Variants in CFAP58 observed in about 807,000 individuals in gnomAD.
CFAP58 encodes the protein cilia- and flagella-associated protein 58.
In CFAP58, 88 loss-of-function variants were observed where a neutral mutation model predicts 119.5. That is an observed-to-expected ratio of 0.74 (90% CI 0.62 to 0.88). CFAP58 has a LOEUF of 0.88. Among genes scored for constraint, CFAP58 ranks in the 40% least tolerant of loss-of-function variants. CFAP58 has a pLI of 0.00. For synonymous variants in CFAP58, 365 were observed against 366.3 expected (o/e 1.00, Z 0.04); for missense variants, 990 against 1,021.2 (o/e 0.97, Z 0.42).
intron 15 of CFAP58, among the ~76,000 whole-genome samples, chr10:104,414,177 TC>T (rs1336960981): frequency 1.3e-5 from 2 of 152,170 alleles, no homozygotes; most frequent in Non-Finnish European, 2.9e-5. Flanking sequence ...ATTTGTCAAA[TC>T]TTTAATTTTT....
chr10:104,371,575 G>A (rs2014824203), intron 7 of CFAP58, among the ~76,000 whole-genome samples: 1 of 152,160 alleles, frequency 6.6e-6, no homozygotes, highest in South Asian at 2.1e-4. Context: ...AAGTGCCACA[G>A]GGAGGTACAG....
intron 15 of CFAP58, among the ~76,000 whole-genome samples, chr10:104,420,603 A>G (rs2012639605): frequency 6.6e-6 from 1 of 152,172 alleles, no homozygotes; most frequent in Admixed American, 6.5e-5. Flanking sequence ...CAATTTACCT[A>G]TATAACAAAT....
intron 15 of CFAP58, among the ~76,000 whole-genome samples, chr10:104,420,144 G>T (rs959153647): frequency 3.4e-5 from 5 of 146,032 alleles, no homozygotes; most frequent in Non-Finnish European, 7.5e-5. Flanking sequence ...TTTTTTTTAC[G>T]ATTGTGTTCA....
At chr10:104,396,882 G>A (rs1416265946) in intron 11 of CFAP58, among the ~76,000 whole-genome samples, 1 of 152,132 alleles carries the variant, frequency 6.6e-6, no homozygotes, top group Non-Finnish European at 1.5e-5. Flanking sequence ...AAGGTATTTT[G>A]TTGATGTTAA....
At chr10:104,377,552 A>G (rs1564884575) in intron 8 of CFAP58, among the ~76,000 whole-genome samples, 1 of 152,022 alleles carries the variant, frequency 6.6e-6, no homozygotes, top group Non-Finnish European at 1.5e-5. Flanking sequence ...ATTAGGGTAA[A>G]TTTTCCTGCT....
At chr10:104,411,190 T>C (rs2012454853) in intron 15 of CFAP58, among the ~76,000 whole-genome samples, 1 of 152,226 alleles carries the variant, frequency 6.6e-6, no homozygotes, top group South Asian at 2.1e-4. Flanking sequence ...TCTGCTGGCC[T>C]TGGCCTCCCA....
chr10:104,368,348 G>C, intron 5 of CFAP58, 75 bp from the exon 6 acceptor site: 3 of 1,478,514 alleles, frequency 2.0e-6, no homozygotes, highest in Non-Finnish European at 2.7e-6. Context: ...GGAGGTTTGT[G>C]GGGCCCCCTG....
At chr10:104,386,993 G>C (rs533642820) in intron 9 of CFAP58, among the ~76,000 whole-genome samples, 1 of 152,238 alleles carries the variant, frequency 6.6e-6, no homozygotes, top group East Asian at 1.9e-4. Context: ...GTTCTTTCTT[G>C]CTTAGAGAAA....
At chr10:104,346,639 T>TTTTTTTTTTTTTTG in the CFAP58 span, among the ~76,000 whole-genome samples, 1 of 139,900 alleles carries the variant, frequency 7.1e-6, no homozygotes, top group Non-Finnish European at 1.6e-5. Flanking sequence ...TAGTCTTTTT[T>TTTTTTTTTTTTTTG]TTTTTTTTTT....
chr10:104,343,377 A>G, the CFAP58 span, among the ~76,000 whole-genome samples: 1 of 152,216 alleles, frequency 6.6e-6, no homozygotes, highest in Non-Finnish European at 1.5e-5. Context: ...TCAAGGTCAC[A>G]TTGCTGGTTA....
intron 11 of CFAP58, among the ~76,000 whole-genome samples, chr10:104,396,731 C>T (rs1361033607): frequency 6.6e-6 from 1 of 152,158 alleles, no homozygotes; most frequent in Non-Finnish European, 1.5e-5. Flanking sequence ...AACTTTTTAC[C>T]ACCAGTAACA....
At chr10:104,354,742 G>C (rs1270931041) in intron 1 of CFAP58, among the ~76,000 whole-genome samples, 3 of 152,138 alleles carry the variant, frequency 2.0e-5, no homozygotes, top group African/African-American at 7.2e-5. Context: ...AAAACACAAA[G>C]TCTCTTCAAA....
the CFAP58 span, among the ~76,000 whole-genome samples, chr10:104,340,962 G>C: frequency 6.6e-6 from 1 of 152,240 alleles, no homozygotes; most frequent in African/African-American, 2.4e-5. Context: ...TCCCGGCCCT[G>C]GATGAATTTT....
At chr10:104,417,248 C>T (rs2012569032) in intron 15 of CFAP58, among the ~76,000 whole-genome samples, 1 of 152,248 alleles carries the variant, frequency 6.6e-6, no homozygotes, top group African/African-American at 2.4e-5. Flanking sequence ...GGCCTTGTTG[C>T]TTAACCTTCC....
At chr10:104,357,138 A>G (rs1267327248) in intron 1 of CFAP58, among the ~76,000 whole-genome samples, 1 of 152,204 alleles carries the variant, frequency 6.6e-6, no homozygotes, top group East Asian at 1.9e-4. Context: ...GGGGGACACA[A>G]TTCAACCCCT....
At chr10:104,445,766 G>A (rs1271391643) in intron 15 of CFAP58, among the ~76,000 whole-genome samples, 1 of 152,194 alleles carries the variant, frequency 6.6e-6, no homozygotes, top group African/African-American at 2.4e-5. Context: ...AATTCCTGCT[G>A]ATGCTGAGAT....
At chr10:104,382,454 T>C (rs970297987) in intron 9 of CFAP58, 2 of 443,420 alleles carry the variant, frequency 4.5e-6, no homozygotes, top group African/African-American at 3.9e-5. Flanking sequence ...TCTCAAAAAT[T>C]CCAGTGTGGT....
intron 1 of CFAP58, among the ~76,000 whole-genome samples, chr10:104,357,424 T>C (rs910785186): frequency 6.6e-6 from 1 of 152,160 alleles, no homozygotes; most frequent in Non-Finnish European, 1.5e-5. Flanking sequence ...TGAGTTTCAC[T>C]GTATATGTGA....
chr10:104,415,185 TTCAAA>T lies in CFAP58; in HGVS notation c.2256+8396_2256+8400del, dbSNP rs574933992. On this transcript the variant is annotated intron_variant, in intron 15 of 17. Coordinates refer to ENST00000369704, the MANE Select transcript of CFAP58 (RefSeq NM_001008723.2). ...GGGCAGGTGTCTCAGTTTGGGTCTC[TTCAAA>T]TCAGACACTGAGACAGAGATTTGGG... Among the ~76,000 whole-genome samples, 444 of 152,210 alleles carry T rather than the reference TTCAAA, an allele frequency of 2.9e-3. 3 individuals are homozygous for T. Among genetic ancestry groups the T allele is most frequent in the African/African-American group, 0.01 (422 of 41,540 alleles).
Sources: gnomAD v4.1 joint callset for allele counts (sites outside exome capture counted in the v4.1 genomes callset) on GRCh38, gnomAD v4.1.1 for gene constraint, MANE v1.5 for transcripts, NCBI Gene and HGNC (gene_info 2026-07-23, HGNC 2026-07-21) for gene names.